The following KYNU variants were observed in gnomAD, a reference collection of about 807,000 sequenced individuals.
The protein encoded by KYNU is kynureninase.
KYNU carries 54 observed loss-of-function variants against 59.2 expected under a neutral mutation model. The observed-to-expected ratio is 0.91, with a 90% CI of 0.73 to 1.14. The LOEUF is 1.14. Ranked by LOEUF, KYNU falls within the 50% of genes most tolerant of loss-of-function variation. KYNU has a pLI of 0.00. For missense variants in KYNU, 567 were observed against 554.4 expected (o/e 1.02, Z -0.23); for synonymous variants, 177 against 192.0 (o/e 0.92, Z 0.65).
chr2:142,995,474 T>C (rs1309782927), intron 10 of KYNU, among the ~76,000 whole-genome samples: 1 of 152,230 alleles, frequency 6.6e-6, no homozygotes, highest in Admixed American at 6.6e-5. Context: ...AAAACTACTT[T>C]CTAAAATAGC....
At chr2:142,933,935 A>G (rs753811003) in intron 4 of KYNU, among the ~76,000 whole-genome samples, 47 of 151,668 alleles carry the variant, frequency 3.1e-4, no homozygotes, top group Non-Finnish European at 5.2e-4. Context: ...AATTGTGGGG[A>G]AAAAAAAGCA....
intron 12 of KYNU, among the ~76,000 whole-genome samples, chr2:143,039,932 A>G (rs2104925552): frequency 6.6e-6 from 1 of 152,224 alleles, no homozygotes; most frequent in East Asian, 1.9e-4. Context: ...AACCACAGTA[A>G]AACTTGTTTA....
At chr2:142,963,169 T>A (rs1022646701) in intron 8 of KYNU, among the ~76,000 whole-genome samples, 3 of 152,086 alleles carry the variant, frequency 2.0e-5, no homozygotes, top group African/African-American at 4.8e-5. Context: ...AAGAAATGTA[T>A]GTATACCAAA....
chr2:142,978,475 C>T lies in KYNU; in HGVS notation c.730-6609C>T, dbSNP rs879942867. Among the ~76,000 whole-genome samples the T allele has an allele frequency of 2.2e-4, 33 of 152,162 alleles. 1 individual carries two copies. The highest frequency in any genetic ancestry group is 1.4e-3 in the Admixed American group (21 of 15,276). ...AGAAGGTCATACTCCATGTTAATACCAGGTAGTATCCATCATTAGCCTATT... is the reference window on the plus strand; with the variant it reads ...AGAAGGTCATACTCCATGTTAATACTAGGTAGTATCCATCATTAGCCTATT... On this transcript the variant is annotated intron_variant, in intron 8 of 13. Coordinates refer to ENST00000264170, the MANE Select transcript of KYNU (RefSeq NM_003937.3).
intron 10 of KYNU, chr2:142,989,395 G>A (rs1050951): frequency 0.12 from 120,269 of 988,814 alleles, 7,614 homozygotes; most frequent in East Asian, 0.27. Context: ...GTATGTAGCC[G>A]AGAACCATAT....
rs904293591 is a variant in KYNU at position 142,927,796 on chromosome 2, A to G, written c.373+55A>G. The stretch of plus-strand genomic sequence containing the variant: ...ATGAATTGTAAAGATGTTATCATTT[A>G]GTTATAAACACAGGCTCATAAAGTC... On this transcript the variant is annotated intron_variant, in intron 4 of 13. Coordinates refer to ENST00000264170, the MANE Select transcript of KYNU (RefSeq NM_003937.3). 4.3e-6 allele frequency: 5 copies of G among 1,172,400 alleles called. No individual in the cohort carries two copies. In the African/African-American group the frequency reaches 7.5e-5, roughly 18 times the overall value. The allele number at this position is 1,172,400 out of a possible 1,614,324, so 72.6% of individuals were successfully genotyped here. A position where few individuals can be genotyped will look rare whatever the true frequency, so the allele number is the denominator to read the frequency against.
intron 10 of KYNU, among the ~76,000 whole-genome samples, chr2:143,020,775 C>T (rs1361233142): frequency 6.6e-6 from 1 of 152,162 alleles, no homozygotes; most frequent in Non-Finnish European, 1.5e-5. Context: ...TTACTTCATA[C>T]TTATTCAAAT....
intron 10 of KYNU, among the ~76,000 whole-genome samples, chr2:142,996,453 A>G (rs150705517): frequency 6.6e-6 from 1 of 152,124 alleles, no homozygotes; most frequent in African/African-American, 2.4e-5. Context: ...TTGAGGATTT[A>G]CTATAGACTG....
chr2:143,045,957 G>A lies in KYNU; in HGVS notation c.*3785G>A, dbSNP rs201543038. 6.6e-6 allele frequency: 1 copy of A among 152,146 alleles called. No individual in the cohort carries two copies. The highest frequency in any genetic ancestry group is 1.5e-5 in the Non-Finnish European group (1 of 68,014). The allele number at this position is 152,146 out of a possible 1,614,324, so 9.4% of individuals were successfully genotyped here. A position where few individuals can be genotyped will look rare whatever the true frequency, so the allele number is the denominator to read the frequency against. On this transcript the variant is annotated 3_prime_UTR_variant, in exon 14 of 14. Transcript: ENST00000264170. ...AATTTCTGAAGGGTATTAATTAGAT[G>A]TTTGAGTGAGGGGAAATATTGGAAG...
At chr2:143,024,690 A>G (rs1686501841) in intron 10 of KYNU, among the ~76,000 whole-genome samples, 1 of 152,080 alleles carries the variant, frequency 6.6e-6, no homozygotes, top group Admixed American at 6.5e-5. Context: ...TTAAAATCCA[A>G]TAATTTTAAT....
intron 4 of KYNU, among the ~76,000 whole-genome samples, chr2:142,929,471 A>G (rs575729918): frequency 2.0e-5 from 3 of 152,308 alleles, no homozygotes; most frequent in Admixed American, 1.3e-4. Context: ...AAAGAGCCAA[A>G]TTCTGTAAAA....
rs1687014260 is a variant in KYNU, at chr2:143,040,522, A to G, written c.1136A>G (p.Asp379Gly). ...CTGATCAAGCATAACTATGGCAAAG[A>G]TAAAGCAGCAACCAAGAAACCAGTT... Reference protein sequence around the residue: ...EYLIKHNYGKDKAATKKPVVN... With the variant: ...EYLIKHNYGKGKAATKKPVVN... The change falls in exon 13 of 14, where the codon GAT (aspartate) becomes GGT (glycine). Residue 379 changes from aspartate to glycine, a missense_variant. By Grantham distance (94) the Asp-to-Gly change is moderately conservative (BLOSUM62 -1). Transcript: ENST00000264170. 3.1e-6 allele frequency: 5 copies of G among 1,613,348 alleles called. No homozygotes were observed. Among genetic ancestry groups the G allele is most frequent in the Non-Finnish European group, 4.2e-6 (5 of 1,179,526 alleles).
At chr2:142,988,851 G>A (rs376799457) in intron 10 of KYNU, 27 of 1,605,340 alleles carry the variant, frequency 1.7e-5, no homozygotes, top group African/African-American at 5.4e-5. Flanking sequence ...TTAGGAGATC[G>A]GAGTTCTTTA....
chr2:142,929,781 G>A (rs1683152823), intron 4 of KYNU, among the ~76,000 whole-genome samples: 1 of 152,196 alleles, frequency 6.6e-6, no homozygotes, highest in Admixed American at 6.5e-5. Context: ...ATAGAAAGGA[G>A]TGTCTGGAGG....
rs1156276566 is a variant in KYNU at position 142,961,275 on chromosome 2, C to CTT, written c.729+528_729+529dup. On this transcript the variant is annotated intron_variant, in intron 8 of 13. Transcript: ENST00000264170. The stretch of plus-strand genomic sequence containing the variant: ...GCTTCAGGCATCTCTATTTAAACTG[C>CTT]TTTTTTTTTTTTTTTTTTTTTTTTG... Among the ~76,000 whole-genome samples, 378 of 94,426 alleles carry CTT rather than the reference C, an allele frequency of 4.0e-3. 10 individuals are homozygous for CTT. The highest frequency in any genetic ancestry group is 8.1e-3 in the African/African-American group (175 of 21,598). 61.9% of individuals were successfully genotyped at this position (94,426 alleles called of 152,430 possible).
intron 6 of KYNU, 94 bp from the exon 7 acceptor site, chr2:142,957,547 T>A: frequency 1.3e-6 from 1 of 774,864 alleles, no homozygotes; most frequent in South Asian, 1.5e-5. Context: ...TTTAATATAA[T>A]AATATGCCCT....
Position 142,984,588 on chromosome 2 carries a change from A to T in KYNU, c.730-496A>T, listed in dbSNP as rs78682576. On this transcript the variant is annotated intron_variant, in intron 8 of 13. Coordinates refer to ENST00000264170, the MANE Select transcript of KYNU (RefSeq NM_003937.3). ...TACATTGCTTTAAGATAGCCATCCT[A>T]CATCAGAATGTGGTCAAGGGTTTTA... Among the ~76,000 whole-genome samples, 1,170 of 152,190 alleles carry T rather than the reference A, an allele frequency of 7.7e-3. 8 individuals are homozygous for T. Among genetic ancestry groups the T allele is most frequent in the African/African-American group, 0.027 (1,124 of 41,548 alleles).
intron 8 of KYNU, among the ~76,000 whole-genome samples, chr2:142,979,256 A>G (rs1013775645): frequency 3.9e-5 from 6 of 152,238 alleles, no homozygotes; most frequent in Non-Finnish European, 7.3e-5. Context: ...AGCACATGCA[A>G]TAAAATTGCA....
At chr2:142,888,222 C>T (rs550396014) in intron 2 of KYNU, among the ~76,000 whole-genome samples, 33 of 152,226 alleles carry the variant, frequency 2.2e-4, no homozygotes, top group Admixed American at 6.5e-4. Flanking sequence ...CTTAGGGAGG[C>T]GGAGGCTGGA....
Sources: gnomAD v4.1 joint callset for allele counts (sites outside exome capture counted in the v4.1 genomes callset) on GRCh38, gnomAD v4.1.1 for gene constraint, MANE v1.5 for transcripts, NCBI Gene and HGNC (gene_info 2026-07-23, HGNC 2026-07-21) for gene names.